Variants in PHKB observed in about 807,000 individuals in gnomAD.
PHKB encodes phosphorylase b kinase regulatory subunit beta.
PHKB carries 122 observed loss-of-function variants against 152.1 expected under a neutral mutation model. The observed-to-expected ratio is 0.80, with a 90% CI of 0.69 to 0.93. PHKB has a LOEUF of 0.93. Among genes scored for constraint, PHKB ranks in the 40% least tolerant of loss-of-function variants. The probability of loss-of-function intolerance (pLI) is 0.00; values close to 1 mark genes in which losing one functional copy is unlikely to be tolerated. For synonymous variants in PHKB, 436 were observed against 464.9 expected (o/e 0.94, Z 0.80); for missense variants, 1,304 against 1,328.4 (o/e 0.98, Z 0.29).
intron 26 of PHKB, among the ~76,000 whole-genome samples, chr16:47,679,747 T>C (rs1484132211): frequency 6.6e-6 from 1 of 152,208 alleles, no homozygotes; most frequent in Non-Finnish European, 1.5e-5. Context: ...TTTTCCTAAT[T>C]GAATACCCTT....
intron 12 of PHKB, among the ~76,000 whole-genome samples, chr16:47,594,597 G>A (rs1049719769): frequency 6.6e-6 from 1 of 152,172 alleles, no homozygotes; most frequent in Non-Finnish European, 1.5e-5. Context: ...TAGAATTGCC[G>A]AGAATATTCT....
chr16:47,500,700 TA>T lies in PHKB; in HGVS notation c.305+818del, dbSNP rs76863473. Among the ~76,000 whole-genome samples the T allele has an allele frequency of 7.2e-3, 1,033 of 143,362 alleles. 5 individuals carry two copies. The highest frequency in any genetic ancestry group is 0.018 in the African/African-American group (717 of 39,368). 94.1% of individuals were successfully genotyped at this position (143,362 alleles called of 152,430 possible). A position where few individuals can be genotyped will look rare whatever the true frequency, so the allele number is the denominator to read the frequency against. Reference sequence around the variant, plus strand: ...CATAAGTGAAATAATTGTATAAAGTTAAAAAAAAAAAAGAAATAGTTAGACA... The same window carrying T: ...CATAAGTGAAATAATTGTATAAAGTTAAAAAAAAAAAGAAATAGTTAGACA... On this transcript the variant is annotated intron_variant, in intron 3 of 30. Coordinates refer to ENST00000323584, the MANE Select transcript of PHKB (RefSeq NM_000293.3).
chr16:47,597,911 C>T (rs1972151719), intron 13 of PHKB: 1 of 151,752 alleles, frequency 6.6e-6, no homozygotes, highest in Admixed American at 6.6e-5. Flanking sequence ...CCAGTAACCT[C>T]TGTGCAATGG....
At chr16:47,551,604 T>C (rs1971271815) in intron 7 of PHKB, among the ~76,000 whole-genome samples, 1 of 152,218 alleles carries the variant, frequency 6.6e-6, no homozygotes, top group Non-Finnish European at 1.5e-5. Context: ...GCCATTCTTT[T>C]GCATTTGCTG....
intron 7 of PHKB, among the ~76,000 whole-genome samples, chr16:47,550,199 C>T (rs372041512): frequency 2.0e-5 from 3 of 152,176 alleles, no homozygotes; most frequent in African/African-American, 7.2e-5. Flanking sequence ...TCCATGTGCT[C>T]ACGGAGGTAG....
At chr16:47,654,069 T>C (rs943172994) in intron 20 of PHKB, among the ~76,000 whole-genome samples, 6 of 152,186 alleles carry the variant, frequency 3.9e-5, no homozygotes, top group Non-Finnish European at 7.3e-5. Context: ...TCAAAGTATT[T>C]CTACAAATAT....
At chr16:47,533,602 C>G (rs543328941) in intron 6 of PHKB, among the ~76,000 whole-genome samples, 1 of 152,344 alleles carries the variant, frequency 6.6e-6, no homozygotes, top group African/African-American at 2.4e-5. Flanking sequence ...CATGTGCACA[C>G]TTGGCTGGGC....
intron 26 of PHKB, among the ~76,000 whole-genome samples, chr16:47,686,542 G>A (rs1361774919): frequency 6.6e-6 from 1 of 152,186 alleles, no homozygotes; most frequent in Non-Finnish European, 1.5e-5. Context: ...TAAGTTCGAT[G>A]AGCAATAGTA....
At chr16:47,530,132 CT>C (rs201960518) in intron 6 of PHKB, among the ~76,000 whole-genome samples, 3,259 of 129,704 alleles carry the variant, frequency 0.025, 83 homozygotes, top group African/African-American at 0.069. Flanking sequence ...ATATAAACTC[CT>C]TTTTTTTTTT....
At chr16:47,465,861 C>T (rs1415274966) in intron 1 of PHKB, among the ~76,000 whole-genome samples, 1 of 152,068 alleles carries the variant, frequency 6.6e-6, no homozygotes, top group Non-Finnish European at 1.5e-5. Context: ...TTTTATTGTG[C>T]GATTTCATTT....
chr16:47,666,094 C>T (rs1008630969), intron 25 of PHKB: 8 of 1,205,150 alleles, frequency 6.6e-6, no homozygotes, highest in Non-Finnish European at 9.9e-6. Flanking sequence ...GGCTAGGACC[C>T]TTAATTTTAA....
At chr16:47,646,380 T>A (rs1597147580) in intron 16 of PHKB, among the ~76,000 whole-genome samples, 2 of 87,730 alleles carry the variant, frequency 2.3e-5, no homozygotes, top group Non-Finnish European at 4.4e-5. Flanking sequence ...GGGACTGTGG[T>A]GGGGTCGGGG....
chr16:47,489,969 A>G (rs1369890763), intron 1 of PHKB, among the ~76,000 whole-genome samples: 6 of 152,208 alleles, frequency 3.9e-5, no homozygotes, highest in Admixed American at 1.3e-4. Context: ...CATGCTCCAA[A>G]TTTTGTTCAC....
chr16:47,483,146 C>T (rs920450607), intron 1 of PHKB, among the ~76,000 whole-genome samples: 1 of 143,252 alleles, frequency 7.0e-6, no homozygotes, highest in Admixed American at 7.7e-5. Context: ...TCAAGCGATT[C>T]TCATGCCTCA....
In PHKB at chr16:47,699,298, G is replaced by T; in HGVS notation, c.3214G>T (p.Ala1072Ser). 1.9e-6 allele frequency: 3 copies of T among 1,614,104 alleles called. No individual in the cohort carries two copies. The highest frequency in any genetic ancestry group is 2.5e-6 in the Non-Finnish European group (3 of 1,179,968). Reference sequence around the variant, plus strand: ...AGGAACATGCAGCTATTTGACAAAGGCGGTGATGAATCTGCTGCTGGAAGG... The same window carrying T: ...AGGAACATGCAGCTATTTGACAAAGTCGGTGATGAATCTGCTGCTGGAAGG... The part of the protein sequence containing the change: ...KRGTCSYLTK[A>S]VMNLLLEGEV... Residue 1072 changes from alanine to serine, a missense_variant, in exon 31 of 31, where the codon GCG becomes TCG. By Grantham distance (99) the Ala-to-Ser change is moderately conservative. Coordinates refer to ENST00000323584, the MANE Select transcript of PHKB (RefSeq NM_000293.3).
Position 47,696,471 on chromosome 16 carries a change from A to G in PHKB, c.2986A>G (p.Arg996Gly), listed in dbSNP as rs774411928. 6.3e-7 allele frequency: 1 copy of G among 1,589,718 alleles called. No homozygotes were observed. The highest frequency in any genetic ancestry group is 8.6e-7 in the Non-Finnish European group (1 of 1,157,684). The change falls in exon 29 of 31, where the codon AGA becomes GGA. Residue 996 changes from arginine (R) to glycine (G), a missense_variant. Physicochemically the swap from Arg to Gly is moderately radical, Grantham distance 125 (BLOSUM62 -2). Transcript: ENST00000323584. ...TLGNIDQPQY[R>G]QIVVELLMVV... Reference sequence around the variant, plus strand: ...GGGAAATATTGACCAGCCACAGTACAGACAGATCGTTGTAGAGGTGAGTAG... The same window carrying G: ...GGGAAATATTGACCAGCCACAGTACGGACAGATCGTTGTAGAGGTGAGTAG...
chr16:47,689,851 G>A (rs1020822077), intron 27 of PHKB, among the ~76,000 whole-genome samples: 1 of 152,150 alleles, frequency 6.6e-6, no homozygotes, highest in East Asian at 1.9e-4. Flanking sequence ...AGGCATCCTC[G>A]TTCTTAAATA....
At chr16:47,499,471 T>C (rs1342850227) in intron 2 of PHKB, among the ~76,000 whole-genome samples, 1 of 152,230 alleles carries the variant, frequency 6.6e-6, no homozygotes, top group Admixed American at 6.5e-5. Flanking sequence ...CCTAATAAGA[T>C]TTCTAACACA....
At chr16:47,635,144 G>A (rs997954708) in intron 14 of PHKB, among the ~76,000 whole-genome samples, 2 of 152,230 alleles carry the variant, frequency 1.3e-5, no homozygotes, top group Middle Eastern at 3.4e-3. Flanking sequence ...GAGCCAATAC[G>A]AGTTCTTCGT....
Sources: allele counts gnomAD v4.1 joint callset (sites outside exome capture counted in the v4.1 genomes callset), GRCh38; gene constraint gnomAD v4.1.1; transcripts MANE v1.5; gene names NCBI Gene and HGNC (gene_info 2026-07-23, HGNC 2026-07-21).